MARK4: variants seen among roughly 807,000 people sequenced by gnomAD.
MARK4 encodes the protein MAP/microtubule affinity-regulating kinase 4.
MARK4 carries 19 observed loss-of-function variants against 81.5 expected under a neutral mutation model. The observed-to-expected ratio is 0.23, with a 90% CI of 0.16 to 0.34. The LOEUF is 0.34. Ranked by LOEUF, MARK4 falls within the 10% of genes least tolerant of loss-of-function variation. The probability of loss-of-function intolerance (pLI) is 1.00; values close to 1 mark genes in which losing one functional copy is unlikely to be tolerated. For synonymous variants in MARK4, 436 were observed against 439.0 expected, an observed-to-expected ratio of 0.99 and a Z score of 0.08; for missense variants, 772 against 1,058.8, an observed-to-expected ratio of 0.73 and a Z score of 3.76.
chr19:45,286,962 T>C (rs1970750725), intron 12 of MARK4, among the ~76,000 whole-genome samples: 1 of 152,148 alleles, frequency 6.6e-6, no homozygotes, highest in Non-Finnish European at 1.5e-5. Context: ...TATTCTTTTT[T>C]ATAGCTGCAT....
chr19:45,269,755 A>G (rs956843556), intron 7 of MARK4, among the ~76,000 whole-genome samples: 1 of 152,222 alleles, frequency 6.6e-6, no homozygotes, highest in Non-Finnish European at 1.5e-5. Flanking sequence ...GTGGCCTCCC[A>G]CAGCTTCTGT....
At position 45,284,871 on chromosome 19, in the gene MARK4, A is replaced by T. The variant is rs916543134; in HGVS notation, c.1277-2576A>T. Among the ~76,000 whole-genome samples, 12 of 152,050 alleles carry T rather than the reference A, an allele frequency of 7.9e-5. 1 individual carries two copies. The highest frequency in any genetic ancestry group is 1.6e-4 in the Non-Finnish European group (11 of 67,986). On this transcript the variant is annotated intron_variant, in intron 12 of 16. Coordinates refer to ENST00000262891, the MANE Select transcript of MARK4 (RefSeq NM_001199867.2). ...TTTGGGAGGCCGAGCTGGGTGGATC[A>T]CCTGAGGTCAGCAGTTTGAGAGCAG... is the stretch of plus-strand genomic sequence containing the variant.
intron 16 of MARK4, 111 bp downstream of exon 16, chr19:45,299,966 AC>A (rs1970946331): frequency 1.1e-5 from 11 of 973,104 alleles, no homozygotes; most frequent in Non-Finnish European, 1.4e-5. Context: ...TGCAAGGCCA[AC>A]TTCCTGAAAT....
At chr19:45,269,732 A>G (rs944499095) in intron 7 of MARK4, among the ~76,000 whole-genome samples, 1 of 152,180 alleles carries the variant, frequency 6.6e-6, no homozygotes, top group African/African-American at 2.4e-5. Context: ...CTTTCTTGCA[A>G]TGGGCATGAG....
At chr19:45,288,569 A>T (rs1004441083) in intron 13 of MARK4, 1 of 135,090 alleles carries the variant, frequency 7.4e-6, no homozygotes, top group African/African-American at 2.8e-5. Context: ...AAAAAAAAAA[A>T]GCCAGGTGCA....
chr19:45,289,962 T>G (rs181916795), intron 13 of MARK4, among the ~76,000 whole-genome samples: 21 of 151,558 alleles, frequency 1.4e-4, no homozygotes, highest in Admixed American at 8.5e-4. Flanking sequence ...TCCGGTGTGG[T>G]GGTGGCACGT....
In MARK4 at chr19:45,271,852, T is replaced by TC. The variant is rs1970532119; in HGVS notation, c.786+148dup. The TC allele has an allele frequency of 3.8e-6, 3 of 799,758 alleles. No individual in the cohort carries two copies. Among genetic ancestry groups the TC allele is most frequent in the Non-Finnish European group, 6.0e-6 (3 of 502,750 alleles). 49.5% of individuals were successfully genotyped at this position (799,758 alleles called of 1,614,324 possible). On this transcript the variant is annotated intron_variant, in intron 8 of 16. Coordinates refer to ENST00000262891, the MANE Select transcript of MARK4 (RefSeq NM_001199867.2). This position sits in a 1 kb window ranked among gnomAD's most constrained non-coding sequence, Gnocchi z 4.1. The stretch of plus-strand genomic sequence containing the variant: ...AGATGGGGGATGGGCAGGATTCAAG[T>TC]CCCCTCTGCAGTGAGGCCAGCCGAA...
At chr19:45,277,824 TGTGTG>T (rs1166043118) in intron 8 of MARK4, 94 bp from the exon 9 acceptor site, 351 of 18,146 alleles carry the variant, frequency 0.019, 1 homozygote, top group Admixed American at 0.094. Flanking sequence ...GGACAAAGGT[TGTGTG>T]TGTGTGTGTG....
chr19:45,278,708 ATTCT>A (rs1429657070), intron 10 of MARK4, 93 bp downstream of exon 10: 9 of 957,904 alleles, frequency 9.4e-6, no homozygotes, highest in Non-Finnish European at 1.5e-5. Flanking sequence ...GAATCAAGAG[ATTCT>A]TGTGCCTCAG....
At chr19:45,263,400 C>T (rs1331406532) in intron 4 of MARK4, 33 bp downstream of exon 4, 6 of 1,613,694 alleles carry the variant, frequency 3.7e-6, no homozygotes, top group Non-Finnish European at 5.1e-6. Flanking sequence ...GGCAGGCCAC[C>T]AACTGGAACA....
At chr19:45,265,490 AAG>A (rs1568492424) in intron 6 of MARK4, among the ~76,000 whole-genome samples, 1 of 150,530 alleles carries the variant, frequency 6.6e-6, no homozygotes, top group Non-Finnish European at 1.5e-5. Context: ...CCAGGTGTGT[AAG>A]AGTGTGGGGG....
At chr19:45,286,052 T>C (rs1303274750) in intron 12 of MARK4, among the ~76,000 whole-genome samples, 1 of 151,940 alleles carries the variant, frequency 6.6e-6, no homozygotes, top group Non-Finnish European at 1.5e-5. Context: ...TACGGTTTTT[T>C]GTTGTTGTTT....
At position 45,302,894 on chromosome 19, in the gene MARK4, G is replaced by C; in HGVS notation, c.*184G>C. On this transcript the variant is annotated 3_prime_UTR_variant, in exon 17 of 17. Transcript: ENST00000262891. The surrounding 1 kb of genome is among the most constrained non-coding windows in gnomAD (Gnocchi z 4.9). Reference sequence around the variant, plus strand: ...GCCGCTCAGCACAGAAGAAGGATGAGGGGGCTCAGCGGGGGGAGCTGGCAC... The same window carrying C: ...GCCGCTCAGCACAGAAGAAGGATGACGGGGCTCAGCGGGGGGAGCTGGCAC... 2.9e-6 allele frequency: 3 copies of C among 1,021,072 alleles called. No homozygotes were observed. The highest frequency in any genetic ancestry group is 4.1e-6 in the Non-Finnish European group (3 of 726,794). The allele number at this position is 1,021,072 out of a possible 1,614,324, so 63.3% of individuals were successfully genotyped here.
At position 45,303,030 on chromosome 19, in the gene MARK4, T is replaced by G; in HGVS notation, c.*320T>G. 5.1e-5 allele frequency: 19 copies of G among 373,616 alleles called. No homozygotes were observed. Among genetic ancestry groups the G allele is most frequent in the East Asian group, 1.8e-4 (3 of 16,412 alleles). 23.1% of individuals were successfully genotyped at this position (373,616 alleles called of 1,614,324 possible). A position where few individuals can be genotyped will look rare whatever the true frequency, so the allele number is the denominator to read the frequency against. On this transcript the variant is annotated 3_prime_UTR_variant, in exon 17 of 17. Transcript: ENST00000262891. The stretch of plus-strand genomic sequence containing the variant: ...GGAGGGAAACTGAGGAAATCTTCCA[T>G]TCCTCCCAACAGCTCAAAATTAGGC...
rs767675987 is a variant in MARK4 at position 45,280,398 on chromosome 19, C to T, written c.1031C>T (p.Thr344Ile). The change falls in exon 11 of 17, where the codon ACA becomes ATA. Residue 344 changes from threonine (T) to isoleucine (I), a missense_variant. Thr to Ile is a moderately conservative substitution (Grantham distance 89). This residue lies in a region of MARK4 where 548 missense variants were observed against 624.3 expected (regional missense o/e 0.88). Transcript: ENST00000262891. ...GAGGTGATGGTGGGTATGGGCTACA[C>T]ACGGGAAGAAATCAAAGAGTCCTTG... ...RIEVMVGMGY[T>I]REEIKESLTS... 6.2e-7 allele frequency: 1 copy of T among 1,614,034 alleles called. No homozygotes were observed. The highest frequency in any genetic ancestry group is 1.7e-5 in the Admixed American group (1 of 59,996).
chr19:45,299,802 C>A lies in MARK4; in HGVS notation c.1878-9C>A. ...AGATTAGACACTCTGTCCCCCTCCC[C>A]TCCCCTAGGGTCGCAGACGAACCTG... On this transcript the variant is annotated splice_polypyrimidine_tract_variant and intron_variant, in intron 15 of 16. Coordinates refer to ENST00000262891, the MANE Select transcript of MARK4 (RefSeq NM_001199867.2). 1 of 1,595,608 alleles carries A rather than the reference C, an allele frequency of 6.3e-7. No homozygotes were observed. The highest frequency in any genetic ancestry group is 1.3e-5 in the African/African-American group (1 of 74,480).
rs767440439 is a variant in MARK4 at position 45,302,421 on chromosome 19, G to A, written c.1970G>A (p.Arg657Gln). The change falls in exon 17 of 17, where the codon CGA becomes CAA. Residue 657 changes from arginine (R) to glutamine (Q), a missense_variant. Transcript: ENST00000262891. The surrounding 1 kb of genome is among the most constrained non-coding windows in gnomAD (Gnocchi z 4.9). ...DQTETAPRLL[R>Q]FPWSVKLTSS... ...ACGGAAACCGCCCCCCGGCTGCTCCGATTCCCCTGGAGTGTGAAGCTGACC... is the reference window on the plus strand; with the variant it reads ...ACGGAAACCGCCCCCCGGCTGCTCCAATTCCCCTGGAGTGTGAAGCTGACC... 6.2e-6 allele frequency: 10 copies of A among 1,614,050 alleles called. No homozygotes were observed. In the East Asian group the frequency reaches 6.7e-5, roughly 11 times the overall value.
chr19:45,286,281 C>G (rs1183873845), intron 12 of MARK4, among the ~76,000 whole-genome samples: 2 of 151,874 alleles, frequency 1.3e-5, no homozygotes, highest in Non-Finnish European at 1.5e-5. Flanking sequence ...GTCTCAATCT[C>G]CTGACCTTGT....
chr19:45,298,309 C>T, intron 15 of MARK4: 1 of 1,401,206 alleles, frequency 7.1e-7, no homozygotes, highest in Non-Finnish European at 1.0e-6. Flanking sequence ...GGAGGGGGCT[C>T]TGTGGATGTG....
Sources: gnomAD v4.1 joint callset for allele counts (sites outside exome capture counted in the v4.1 genomes callset) on GRCh38, gnomAD v4.1.1 for gene constraint, gnomAD v4.1.1 regional missense constraint, Gnocchi (gnomAD v3.1) non-coding constraint, MANE v1.5 for transcripts, NCBI Gene and HGNC (gene_info 2026-07-23, HGNC 2026-07-21) for gene names.